The following KLHL6 variants were observed in gnomAD, a reference collection of about 807,000 sequenced individuals.
KLHL6 encodes the protein kelch-like protein 6.
KLHL6 carries 41 observed loss-of-function variants against 58.6 expected under a neutral mutation model. The observed-to-expected ratio is 0.70, with a 90% CI of 0.55 to 0.91. KLHL6 has a LOEUF of 0.91. Among genes scored for constraint, KLHL6 ranks in the 40% least tolerant of loss-of-function variants. The pLI, the probability that KLHL6 is intolerant of heterozygous loss-of-function variation, is 0.00. For synonymous variants in KLHL6, 338 were observed against 322.7 expected, an observed-to-expected ratio of 1.05 and a Z score of -0.51; for missense variants, 714 against 805.6, an observed-to-expected ratio of 0.89 and a Z score of 1.38.
At chr3:183,547,700 C>T (rs773437523) in intron 1 of KLHL6, among the ~76,000 whole-genome samples, 10 of 152,240 alleles carry the variant, frequency 6.6e-5, no homozygotes, top group South Asian at 2.1e-4. Flanking sequence ...GGAATATGGA[C>T]GGCCTACATT....
intron 2 of KLHL6, among the ~76,000 whole-genome samples, chr3:183,525,221 A>G (rs58311967): frequency 0.53 from 79,699 of 149,926 alleles, 21,554 homozygotes; most frequent in Non-Finnish European, 0.58. Context: ...CCGAGATTGC[A>G]CCACTGCACT....
At chr3:183,551,806 A>T (rs1435859394) in intron 1 of KLHL6, among the ~76,000 whole-genome samples, 1 of 152,124 alleles carries the variant, frequency 6.6e-6, no homozygotes, top group Non-Finnish European at 1.5e-5. Flanking sequence ...GGAAATAGGA[A>T]TTTTTGTTTT....
intron 1 of KLHL6, among the ~76,000 whole-genome samples, chr3:183,554,284 A>G (rs1336014851): frequency 6.6e-6 from 1 of 152,200 alleles, no homozygotes; most frequent in Non-Finnish European, 1.5e-5. Flanking sequence ...CCTTAGCTGA[A>G]TCAAGCAGAA....
At chr3:183,535,900 T>C (rs1471949823) in intron 1 of KLHL6, among the ~76,000 whole-genome samples, 3 of 152,188 alleles carry the variant, frequency 2.0e-5, no homozygotes, top group Admixed American at 2.0e-4. Flanking sequence ...CTCAGCCTCC[T>C]GAGTAGCTAG....
chr3:183,534,105 AAAAGTACTTTACTTTT>A (rs1288275026), intron 1 of KLHL6, among the ~76,000 whole-genome samples: 7 of 126,368 alleles, frequency 5.5e-5, no homozygotes, highest in African/African-American at 2.2e-4. Context: ...AAAGTACTTT[AAAAGTACTTTACTTTT>A]AAAGTACTTT....
intron 1 of KLHL6, among the ~76,000 whole-genome samples, chr3:183,543,929 C>T (rs1426887060): frequency 2.0e-5 from 3 of 152,008 alleles, no homozygotes; most frequent in East Asian, 1.9e-4. Context: ...TTTGGGAGGC[C>T]GAGGCAGGCG....
At chr3:183,555,261 A>G (rs1713067868) in intron 1 of KLHL6, 100 bp downstream of exon 1, 1 of 950,996 alleles carries the variant, frequency 1.1e-6, no homozygotes, top group Non-Finnish European at 1.6e-6. Flanking sequence ...TATGTAAACC[A>G]TAAATATCAT....
At chr3:183,496,555 A>G (rs1717717891) in intron 4 of KLHL6, among the ~76,000 whole-genome samples, 1 of 152,246 alleles carries the variant, frequency 6.6e-6, no homozygotes, top group South Asian at 2.1e-4. Context: ...GAGACCAAAA[A>G]AAGAAAGCTA....
chr3:183,552,717 CAAAAAAAAAAAAA>C (rs1169148282), intron 1 of KLHL6, among the ~76,000 whole-genome samples: 137 of 47,606 alleles, frequency 2.9e-3, no homozygotes, highest in Middle Eastern at 0.011. Flanking sequence ...GACTCCGTCT[CAAAAAAAAAAAAA>C]AAAAAAAAAA....
intron 1 of KLHL6, among the ~76,000 whole-genome samples, chr3:183,540,298 G>A (rs1383421969): frequency 6.6e-6 from 1 of 152,198 alleles, no homozygotes; most frequent in East Asian, 1.9e-4. Context: ...CATTCCCTGA[G>A]AGAGAAACCC....
chr3:183,504,909 C>T (rs1178611135), intron 3 of KLHL6, among the ~76,000 whole-genome samples: 5 of 152,146 alleles, frequency 3.3e-5, no homozygotes, highest in Admixed American at 1.3e-4. Flanking sequence ...TCTTTGTGTT[C>T]ATGTGTACTC....
rs188215127 is a variant in KLHL6, at chr3:183,551,289, G to A, written c.293+4072C>T. On this transcript the variant is annotated intron_variant, in intron 1 of 6. Transcript: ENST00000341319. ...AGTCCCGGGGAATGATGGAGAAGCA[G>A]GTGAATCCCAGCCAGCGTGCAAATC... Among the ~76,000 whole-genome samples, 5 of 152,240 alleles carry A rather than the reference G, an allele frequency of 3.3e-5. No homozygotes were observed. In the East Asian group the frequency reaches 9.6e-4, roughly 29 times the overall value.
chr3:183,507,161 A>G (rs1005376564), intron 3 of KLHL6, among the ~76,000 whole-genome samples: 3 of 152,210 alleles, frequency 2.0e-5, no homozygotes, highest in African/African-American at 4.8e-5. Flanking sequence ...TGGGGAGCCA[A>G]TGAAGAAGGC....
rs180832443 is a variant in KLHL6 at position 183,507,501 on chromosome 3, G to A, written c.909+558C>T. Among the ~76,000 whole-genome samples the A allele has an allele frequency of 5.9e-5, 9 of 151,966 alleles. No homozygotes were observed. The South Asian group carries it at 1.7e-3, about 28-fold the overall frequency. On this transcript the variant is annotated intron_variant, in intron 3 of 6. Coordinates refer to ENST00000341319, the MANE Select transcript of KLHL6 (RefSeq NM_130446.4). The stretch of plus-strand genomic sequence containing the variant: ...GGCTGGAGTGCAGTGGCGTGATCTC[G>A]GCTCACTACAACCTCTGCCTCCCGG...
intron 1 of KLHL6, among the ~76,000 whole-genome samples, chr3:183,543,471 A>G (rs1712620085): frequency 6.6e-6 from 1 of 152,152 alleles, no homozygotes; most frequent in Admixed American, 6.5e-5. Context: ...TCGTCTGCCA[A>G]CCCAGCCTGC....
intron 1 of KLHL6, among the ~76,000 whole-genome samples, chr3:183,539,708 CAA>C (rs4066041): frequency 1.6e-5 from 2 of 123,358 alleles, no homozygotes; most frequent in Non-Finnish European, 3.4e-5. Context: ...GACTCCATCT[CAA>C]AAAAAAAAAA....
At chr3:183,523,133 C>G (rs1195673144) in intron 2 of KLHL6, 1 of 152,118 alleles carries the variant, frequency 6.6e-6, no homozygotes, top group East Asian at 1.9e-4. Context: ...GTCCTTACAT[C>G]CAGCTAGTAA....
Position 183,491,995 on chromosome 3 carries a change from C to CGACGAGAA in KLHL6, c.1797_1798insTTCTCGTC (p.Gly600PhefsTer59). The CGACGAGAA allele has an allele frequency of 6.3e-7, 1 of 1,594,832 alleles. No homozygotes were observed. Among genetic ancestry groups the CGACGAGAA allele is most frequent in the East Asian group, 2.3e-5 (1 of 44,216 alleles). ...TACGACTTCCTGATGGTGACGCTGC[C>CGACGAGAA]GTGGTGCGACACGCCCCGGGGCAGG... On this transcript the variant is annotated frameshift_variant, in exon 7 of 7. Transcript: ENST00000341319. LOFTEE classifies it high-confidence loss of function.
At chr3:183,549,579 G>A (rs1355565902) in intron 1 of KLHL6, among the ~76,000 whole-genome samples, 2 of 152,158 alleles carry the variant, frequency 1.3e-5, no homozygotes, top group Non-Finnish European at 2.9e-5. Flanking sequence ...CATGATCTTG[G>A]CTCACTGCAA....
Sources: gnomAD v4.1 joint callset for allele counts (sites outside exome capture counted in the v4.1 genomes callset) on GRCh38, gnomAD v4.1.1 for gene constraint, MANE v1.5 for transcripts, NCBI Gene and HGNC (gene_info 2026-07-23, HGNC 2026-07-21) for gene names.